The following CNTN6 variants were observed in gnomAD, a reference collection of about 807,000 sequenced individuals.
CNTN6 encodes the protein contactin-6.
CNTN6 carries 137 observed loss-of-function variants against 122.8 expected under a neutral mutation model. The observed-to-expected ratio is 1.12, with a 90% CI of 0.97 to 1.29. CNTN6 has a LOEUF of 1.29. CNTN6 is among the 50% of genes most tolerant of loss of function. The pLI is 0.00. For synonymous variants in CNTN6, 570 were observed against 426.0 expected, an observed-to-expected ratio of 1.34 and a Z score of -4.16; for missense variants, 1,634 against 1,223.4, an observed-to-expected ratio of 1.34 and a Z score of -5.01.
intron 2 of CNTN6, among the ~76,000 whole-genome samples, chr3:1,176,803 T>A (rs1037510342): frequency 2.6e-5 from 4 of 152,124 alleles, no homozygotes; most frequent in African/African-American, 9.7e-5. Context: ...GTGAAGGGTT[T>A]TAAAATGTTT....
At chr3:1,275,402 ATTGTT>A (rs1692151246) in intron 4 of CNTN6, among the ~76,000 whole-genome samples, 1 of 152,070 alleles carries the variant, frequency 6.6e-6, no homozygotes, top group South Asian at 2.1e-4. Context: ...TATGACCAAC[ATTGTT>A]TTGTCTTTTA....
chr3:1,110,682 C>T (rs1258226283), intron 1 of CNTN6, among the ~76,000 whole-genome samples: 1 of 151,516 alleles, frequency 6.6e-6, no homozygotes, highest in Non-Finnish European at 1.5e-5. Flanking sequence ...TAAGTCAGTA[C>T]TTTGAAAAAA....
At chr3:1,199,380 A>T (rs1000028079) in intron 2 of CNTN6, among the ~76,000 whole-genome samples, 1 of 151,576 alleles carries the variant, frequency 6.6e-6, no homozygotes, top group African/African-American at 2.4e-5. Context: ...GGGTCTCACC[A>T]TGTTGCCAAA....
intron 3 of CNTN6, among the ~76,000 whole-genome samples, chr3:1,221,039 C>A (rs1473677536): frequency 6.6e-6 from 1 of 152,110 alleles, no homozygotes; most frequent in Non-Finnish European, 1.5e-5. Flanking sequence ...TAACCCCCTA[C>A]CCACCAGCTC....
intron 20 of CNTN6, among the ~76,000 whole-genome samples, chr3:1,396,580 G>A (rs1280153957): frequency 6.6e-6 from 1 of 152,170 alleles, no homozygotes; most frequent in African/African-American, 2.4e-5. Context: ...AGGATATAAT[G>A]TACACCAAGG....
intron 12 of CNTN6, among the ~76,000 whole-genome samples, chr3:1,363,996 C>G (rs150167861): frequency 6.6e-6 from 1 of 151,912 alleles, no homozygotes; most frequent in East Asian, 1.9e-4. Context: ...TTTGCATTTG[C>G]CTGATGATTT....
chr3:1,314,628 G>T (rs1208747395), intron 7 of CNTN6, among the ~76,000 whole-genome samples: 1 of 152,050 alleles, frequency 6.6e-6, no homozygotes, highest in Admixed American at 6.6e-5. Context: ...TAGGTCAGAT[G>T]GTTAAGAAGT....
At chr3:1,272,570 G>A (rs2095044419) in intron 4 of CNTN6, among the ~76,000 whole-genome samples, 1 of 152,182 alleles carries the variant, frequency 6.6e-6, no homozygotes, top group African/African-American at 2.4e-5. Flanking sequence ...TAACAACTCA[G>A]CTGAGTGTAC....
chr3:1,102,727 C>G (rs939563498), intron 1 of CNTN6, among the ~76,000 whole-genome samples: 1 of 148,930 alleles, frequency 6.7e-6, no homozygotes, highest in East Asian at 2.0e-4. Context: ...GACTCCGTCT[C>G]AAAAAATAAA....
intron 17 of CNTN6, among the ~76,000 whole-genome samples, chr3:1,378,581 T>C (rs1166815525): frequency 6.6e-6 from 1 of 152,004 alleles, no homozygotes; most frequent in Non-Finnish European, 1.5e-5. Flanking sequence ...TTTCAGAGAG[T>C]TGGAACTCTC....
chr3:1,400,509 A>G (rs1207108175), intron 20 of CNTN6, among the ~76,000 whole-genome samples: 2 of 152,112 alleles, frequency 1.3e-5, no homozygotes, highest in African/African-American at 4.8e-5. Context: ...CAGAAAACTA[A>G]AAGTCGCAGT....
intron 2 of CNTN6, among the ~76,000 whole-genome samples, chr3:1,151,927 A>G (rs2092851891): frequency 6.6e-6 from 1 of 152,222 alleles, no homozygotes; most frequent in African/African-American, 2.4e-5. Context: ...AAGAGGTTTA[A>G]TATAGACTAA....
Position 1,137,162 on chromosome 3 carries a change from C to T in CNTN6, c.-82-10765C>T, listed in dbSNP as rs113804858. ...TGGTATAGTGTAGAGATGGTATACA[C>T]GATGCCTTCCAAGACTGGGCAGGTA... On this transcript the variant is annotated intron_variant, in intron 1 of 22. Coordinates refer to ENST00000446702, the MANE Select transcript of CNTN6 (RefSeq NM_001289080.2). 8.3e-3 allele frequency among the ~76,000 whole-genome samples: 1,258 copies of T among 152,244 alleles called. 14 individuals carry two copies. Among genetic ancestry groups the T allele is most frequent in the African/African-American group, 0.029 (1,188 of 41,540 alleles).
At chr3:1,319,494 C>T (rs965009545) in intron 7 of CNTN6, among the ~76,000 whole-genome samples, 1 of 151,422 alleles carries the variant, frequency 6.6e-6, no homozygotes, top group Non-Finnish European at 1.5e-5. Context: ...TCATAATTGT[C>T]AAAATGTTCA....
At chr3:1,392,676 C>G (rs1157260218) in intron 20 of CNTN6, among the ~76,000 whole-genome samples, 1 of 145,536 alleles carries the variant, frequency 6.9e-6, no homozygotes, top group Non-Finnish European at 1.5e-5. Flanking sequence ...GGGCTAATAT[C>G]AAGAATCTAC....
At chr3:1,323,672 T>A (rs889136272) in intron 8 of CNTN6, among the ~76,000 whole-genome samples, 1 of 151,722 alleles carries the variant, frequency 6.6e-6, no homozygotes, top group East Asian at 1.9e-4. Flanking sequence ...CTAAAAGAAA[T>A]CTCTAAAGTA....
intron 7 of CNTN6, among the ~76,000 whole-genome samples, chr3:1,299,832 T>C (rs374385091): frequency 1.3e-5 from 2 of 152,334 alleles, no homozygotes; most frequent in East Asian, 3.9e-4. Context: ...TGAATTACCA[T>C]ATTTTCATCT....
intron 1 of CNTN6, among the ~76,000 whole-genome samples, chr3:1,111,881 C>T (rs2091497021): frequency 6.6e-6 from 1 of 151,998 alleles, no homozygotes; most frequent in South Asian, 2.1e-4. Flanking sequence ...GAAGTGGGTA[C>T]TTAAGAATAA....
At chr3:1,384,717 C>T (rs577408808) in intron 19 of CNTN6, among the ~76,000 whole-genome samples, 1 of 123,876 alleles carries the variant, frequency 8.1e-6, no homozygotes, top group Non-Finnish European at 1.8e-5. Context: ...CATATACATA[C>T]TATATATACA....
Sources: gnomAD v4.1 joint callset for allele counts (sites outside exome capture counted in the v4.1 genomes callset) on GRCh38, gnomAD v4.1.1 for gene constraint, MANE v1.5 for transcripts, NCBI Gene and HGNC (gene_info 2026-07-23, HGNC 2026-07-21) for gene names.